LIMK1: variants seen among roughly 807,000 people sequenced by gnomAD.
LIMK1 encodes LIM domain kinase 1.
LIMK1 carries 21 observed loss-of-function variants against 77.6 expected under a neutral mutation model. That is an observed-to-expected ratio of 0.27 (90% confidence interval 0.19 to 0.39). LIMK1 has a LOEUF of 0.39. LIMK1 is among the 10% of genes least tolerant of loss of function. LIMK1 has a pLI of 1.00. For missense variants in LIMK1, 696 were observed against 901.6 expected, an observed-to-expected ratio of 0.77 and a Z score of 2.92; for synonymous variants, 358 against 370.0, an observed-to-expected ratio of 0.97 and a Z score of 0.37.
intron 5 of LIMK1, among the ~76,000 whole-genome samples, chr7:74,103,767 C>T (rs1799513994): frequency 6.6e-6 from 1 of 152,026 alleles, no homozygotes; most frequent in Admixed American, 6.6e-5. Flanking sequence ...GGAAGAGCTT[C>T]TCCCCCATAC....
At position 74,121,200 on chromosome 7, in the gene LIMK1, C is replaced by A. The variant is rs782726695; in HGVS notation, c.1843C>A (p.Leu615Met). Residue 615 changes from leucine (L) to methionine (M), a missense_variant, in exon 16 of 16, where the codon CTG (leucine) becomes ATG (methionine). Transcript: ENST00000336180. ...ETLRMHLAGH[L>M]PLGPQLEQLD... ...CCTCCGCATGCACCTGGCCGGCCACCTGCCACTGGGCCCACAGCTGGAGCA... is the reference window on the plus strand; with the variant it reads ...CCTCCGCATGCACCTGGCCGGCCACATGCCACTGGGCCCACAGCTGGAGCA... 4 of 1,613,902 alleles carry A rather than the reference C, an allele frequency of 2.5e-6. No homozygotes were observed. In the East Asian group the frequency reaches 8.9e-5, roughly 36 times the overall value.
At chr7:74,099,002 C>G (rs1554696080) in intron 4 of LIMK1, 30 bp from the exon 5 acceptor site, 1 of 1,581,470 alleles carries the variant, frequency 6.3e-7, no homozygotes, top group East Asian at 2.3e-5. Context: ...CCTTGACACT[C>G]TTTTCTTCCC....
chr7:74,112,393 G>T (rs569350130), intron 12 of LIMK1, among the ~76,000 whole-genome samples: 4 of 152,206 alleles, frequency 2.6e-5, no homozygotes, highest in Non-Finnish European at 5.9e-5. Context: ...GGGCATAGGC[G>T]TATGGGCTGG....
intron 12 of LIMK1, among the ~76,000 whole-genome samples, chr7:74,112,448 C>A: frequency 6.6e-6 from 1 of 152,036 alleles, no homozygotes; most frequent in East Asian, 1.9e-4. Context: ...TGGCCAGACA[C>A]AGTGGCTCAC....
intron 12 of LIMK1, among the ~76,000 whole-genome samples, chr7:74,114,126 T>C (rs1402661236): frequency 6.6e-6 from 1 of 152,128 alleles, no homozygotes; most frequent in Non-Finnish European, 1.5e-5. Flanking sequence ...GGTGGGTGCC[T>C]GTAGTCTCAG....
intron 13 of LIMK1, among the ~76,000 whole-genome samples, chr7:74,119,071 A>G (rs1799879717): frequency 6.8e-6 from 1 of 147,904 alleles, no homozygotes; most frequent in Admixed American, 6.8e-5. Flanking sequence ...AATTTTTTGT[A>G]TTTTTAGTAG....
intron 13 of LIMK1, among the ~76,000 whole-genome samples, chr7:74,117,260 C>T (rs1554699699): frequency 6.6e-6 from 1 of 152,074 alleles, no homozygotes; most frequent in Non-Finnish European, 1.5e-5. Context: ...TCAGGCGATC[C>T]TCCTGCCTTG....
At chr7:74,097,742 C>T (rs1343627633) in intron 4 of LIMK1, among the ~76,000 whole-genome samples, 2 of 152,190 alleles carry the variant, frequency 1.3e-5, no homozygotes, top group Non-Finnish European at 2.9e-5. Flanking sequence ...TGGCACAAAC[C>T]ACCAGAGGTG....
intron 7 of LIMK1, among the ~76,000 whole-genome samples, chr7:74,106,514 A>C (rs1799577619): frequency 6.6e-6 from 1 of 152,174 alleles, no homozygotes; most frequent in South Asian, 2.1e-4. Flanking sequence ...TAATCCCAGC[A>C]CTTTGGGAGG....
At chr7:74,100,494 C>T (rs1385047608) in intron 5 of LIMK1, among the ~76,000 whole-genome samples, 2 of 152,066 alleles carry the variant, frequency 1.3e-5, no homozygotes, top group East Asian at 3.8e-4. Flanking sequence ...GTGATACCAG[C>T]TCACTGCAAC....
At position 74,121,406 on chromosome 7, in the gene LIMK1, TCTC is replaced by T. The variant is rs1262765453; in HGVS notation, c.*109_*111del. 1.7e-6 allele frequency: 2 copies of T among 1,178,476 alleles called. No individual in the cohort carries two copies. The highest frequency in any genetic ancestry group is 1.5e-5 in the African/African-American group (1 of 65,010). 73.0% of individuals were successfully genotyped at this position (1,178,476 alleles called of 1,614,324 possible). The stretch of plus-strand genomic sequence containing the variant: ...AGCTGGGACAGTGGGGACCCAGGCT[TCTC>T]CTCAGAGCCAGGCCCTGACTTGCCT... On this transcript the variant is annotated 3_prime_UTR_variant, in exon 16 of 16. Coordinates refer to ENST00000336180, the MANE Select transcript of LIMK1 (RefSeq NM_002314.4).
Position 74,115,877 on chromosome 7 carries a change from C to T in LIMK1, c.1486C>T (p.Arg496Trp), listed in dbSNP as rs781932129. The T allele has an allele frequency of 6.8e-6, 11 of 1,614,112 alleles. 1 individual carries two copies. The highest frequency in any genetic ancestry group is 6.6e-5 in the South Asian group (6 of 91,086). ...VDEKTQPEGL[R>W]SLKKPDRKKR... is the part of the protein sequence containing the mutation. The stretch of plus-strand genomic sequence containing the variant: ...CGAGAAGACTCAGCCTGAGGGCCTG[C>T]GGAGCCTCAAGAAGCCAGACCGCAA... The change falls in exon 13 of 16, where the codon CGG (arginine) becomes TGG (tryptophan). Residue 496 changes from arginine to tryptophan, a missense_variant. Arg to Trp is a moderately radical substitution (Grantham distance 101). Coordinates refer to ENST00000336180, the MANE Select transcript of LIMK1 (RefSeq NM_002314.4).
In LIMK1 at chr7:74,111,966, G is replaced by C; in HGVS notation, c.1378G>C (p.Asp460His). 2 of 1,612,676 alleles carry C rather than the reference G, an allele frequency of 1.2e-6. No homozygotes were observed. The highest frequency in any genetic ancestry group is 1.7e-6 in the Non-Finnish European group (2 of 1,179,668). The part of the protein sequence containing the change: ...YLHSMNIIHR[D>H]LNSHNCLVRE... ...CCACTCCATGAACATCATCCACCGA[G>C]ACCTCAACTCCCACAACTGCCTGGT... The change falls in exon 12 of 16, where the codon GAC becomes CAC. Residue 460 changes from aspartate to histidine, a missense_variant. Asp to His is a moderately conservative substitution (Grantham distance 81). Coordinates refer to ENST00000336180, the MANE Select transcript of LIMK1 (RefSeq NM_002314.4).
At chr7:74,106,837 G>A (rs138165766) in intron 7 of LIMK1, among the ~76,000 whole-genome samples, 173 bp from the exon 8 acceptor site, 5 of 152,344 alleles carry the variant, frequency 3.3e-5, no homozygotes, top group African/African-American at 1.2e-4. Context: ...AGGATAGGCC[G>A]AGACACTGGG....
At position 74,107,002 on chromosome 7, in the gene LIMK1, C is replaced by G; in HGVS notation, c.882-8C>G. 6.4e-7 allele frequency: 1 copy of G among 1,564,396 alleles called. No homozygotes were observed. Among genetic ancestry groups the G allele is most frequent in the Non-Finnish European group, 8.7e-7 (1 of 1,155,612 alleles). On this transcript the variant is annotated splice_polypyrimidine_tract_variant and splice_region_variant and intron_variant, in intron 7 of 15. Transcript: ENST00000336180. ...CCGGTGGCACTTGGCACCATGTGTG[C>G]CCCCCAGGAGGAGCTGCAGCATCGA... is the stretch of plus-strand genomic sequence containing the variant.
At position 74,107,891 on chromosome 7, in the gene LIMK1, T is replaced by C. The variant is rs1554697902; in HGVS notation, c.1086T>C (p.Gly362=). 13 of 1,574,706 alleles carry C rather than the reference T, an allele frequency of 8.3e-6. No homozygotes were observed. The highest frequency in any genetic ancestry group is 1.0e-5 in the Non-Finnish European group (12 of 1,159,930). ...QAIKVTHRET[G]EVMVMKELIR... is the part of the protein sequence containing the mutation. ...CGCAGGTGACACACCGTGAGACAGG[T>C]GAGGTGATGGTGATGAAGGAGCTGA... is the stretch of plus-strand genomic sequence containing the variant. The change falls in exon 9 of 16, where the codon GGT becomes GGC. Residue 362 remains glycine, a synonymous_variant. Transcript: ENST00000336180.
chr7:74,098,792 C>T (rs539758865), intron 4 of LIMK1, among the ~76,000 whole-genome samples: 1 of 151,992 alleles, frequency 6.6e-6, no homozygotes, highest in African/African-American at 2.4e-5. Flanking sequence ...TACAGTGAGC[C>T]AAGATCACAC....
rs782384223 is a variant in LIMK1, at chr7:74,107,851, CCT to C, written c.1066-17_1066-16del. 6.4e-7 allele frequency: 1 copy of C among 1,550,734 alleles called. No homozygotes were observed. On this transcript the variant is annotated intron_variant, in intron 8 of 15. Coordinates refer to ENST00000336180, the MANE Select transcript of LIMK1 (RefSeq NM_002314.4). Reference sequence around the variant, plus strand: ...TTACAGCAGAGCTTCTGTCTTCACACCTCTGTGTCCCACACGCAGGTGACACA... The same window carrying C: ...TTACAGCAGAGCTTCTGTCTTCACACCTGTGTCCCACACGCAGGTGACACA...
intron 2 of LIMK1, among the ~76,000 whole-genome samples, chr7:74,095,767 C>A (rs76739920): frequency 5.9e-5 from 9 of 151,930 alleles, no homozygotes; most frequent in Admixed American, 5.2e-4. Context: ...CCCACCCCAC[C>A]GGGATGCTTG....
Sources: gnomAD v4.1 joint callset for allele counts (sites outside exome capture counted in the v4.1 genomes callset) on GRCh38, gnomAD v4.1.1 for gene constraint, MANE v1.5 for transcripts, NCBI Gene and HGNC (gene_info 2026-07-23, HGNC 2026-07-21) for gene names.